Variants in FAM114A1 observed in about 807,000 individuals in gnomAD.
FAM114A1 encodes family with sequence similarity 114 member A1.
In FAM114A1, 62 loss-of-function variants were observed where a neutral mutation model predicts 64.3. The ratio of observed to expected loss-of-function variants is 0.96; its 90% CI spans 0.79 to 1.19. The LOEUF is 1.19. Ranked by LOEUF, FAM114A1 falls within the 50% of genes most tolerant of loss-of-function variation. The pLI, the probability that FAM114A1 is intolerant of heterozygous loss-of-function variation, is 0.00. For missense variants in FAM114A1, 645 were observed against 676.3 expected (o/e 0.95, Z 0.51); for synonymous variants, 254 against 251.1 (o/e 1.01, Z -0.11).
intron 3 of FAM114A1, among the ~76,000 whole-genome samples, chr4:38,879,304 C>T (rs1019883082): frequency 6.6e-6 from 1 of 152,204 alleles, no homozygotes; most frequent in Non-Finnish European, 1.5e-5. Context: ...TGTGCCACCA[C>T]AGATCACCCC....
intron 14 of FAM114A1, 24 bp from the exon 15 acceptor site, chr4:38,943,432 A>C: frequency 6.2e-7 from 1 of 1,604,218 alleles, no homozygotes; most frequent in Non-Finnish European, 8.5e-7. Flanking sequence ...ATAACCCTTC[A>C]ACCTCATTTT....
At chr4:38,883,363 G>A (rs932266605) in intron 3 of FAM114A1, among the ~76,000 whole-genome samples, 1 of 152,142 alleles carries the variant, frequency 6.6e-6, no homozygotes, top group African/African-American at 2.4e-5. Context: ...TACTGGTTGG[G>A]AGTAACATTT....
intron 6 of FAM114A1, 122 bp downstream of exon 6, chr4:38,905,983 A>AT: frequency 1.2e-6 from 1 of 823,910 alleles, no homozygotes; most frequent in Non-Finnish European, 1.8e-6. Context: ...ACTTTGGATT[A>AT]TGGTTTTTTT....
At position 38,931,526 on chromosome 4, in the gene FAM114A1, G is replaced by A. The variant is rs1579403562; in HGVS notation, c.1237G>A (p.Glu413Lys). ...AGTAGATGTGGCAAAAGTGTCCGAA[G>A]AAGAAACAAAGAAGGAAGAAAAGGA... is the stretch of plus-strand genomic sequence containing the variant. ...VSVDVAKVSE[E>K]ETKKEEKEEK... The change falls in exon 11 of 15, where the codon GAA (glutamate) becomes AAA (lysine). Residue 413 changes from glutamate (E) to lysine (K), a missense_variant. Physicochemically the swap from Glu to Lys is moderately conservative, Grantham distance 56. Coordinates refer to ENST00000358869, the MANE Select transcript of FAM114A1 (RefSeq NM_138389.4). 6.2e-7 allele frequency: 1 copy of A among 1,613,812 alleles called. No homozygotes were observed. The highest frequency in any genetic ancestry group is 2.2e-5 in the East Asian group (1 of 44,856).
At chr4:38,937,534 A>G (rs35024156) in intron 13 of FAM114A1, among the ~76,000 whole-genome samples, 28,988 of 152,160 alleles carry the variant, frequency 0.19, 3,289 homozygotes, top group East Asian at 0.41. Context: ...CACACCAGCA[A>G]CAACCCTATC....
At chr4:38,914,284 G>T (rs377192329) in intron 7 of FAM114A1, among the ~76,000 whole-genome samples, 6 of 152,124 alleles carry the variant, frequency 3.9e-5, no homozygotes, top group African/African-American at 1.4e-4. Flanking sequence ...AAGAAATTTG[G>T]CCGGGTGCAG....
In FAM114A1 at chr4:38,914,901, A is replaced by G; in HGVS notation, c.793-20A>G. On this transcript the variant is annotated intron_variant, in intron 7 of 14. Coordinates refer to ENST00000358869, the MANE Select transcript of FAM114A1 (RefSeq NM_138389.4). ...CTTTTAAATGTACATCCAGAGTACA[A>G]ACATTGTGTATTTCTGCAGATGTTA... 6.2e-7 allele frequency: 1 copy of G among 1,612,200 alleles called. No homozygotes were observed.
rs757121040 is a variant in FAM114A1 at position 38,868,025 on chromosome 4, C to G, written c.-158+191C>G. ...TCTGGGGTGAGGGTCTGGGGCGGCG[C>G]GGCCGAGGGACCTGCGTGGGTGCGG... On this transcript the variant is annotated intron_variant, in intron 1 of 14. Coordinates refer to ENST00000358869, the MANE Select transcript of FAM114A1 (RefSeq NM_138389.4). 7.1e-6 allele frequency: 3 copies of G among 421,930 alleles called. No homozygotes were observed. The Admixed American group carries it at 7.3e-5, about 10-fold the overall frequency. The allele number at this position is 421,930 out of a possible 1,614,324, so 26.1% of individuals were successfully genotyped here. A position where few individuals can be genotyped will look rare whatever the true frequency, so the allele number is the denominator to read the frequency against.
chr4:38,911,755 C>T (rs963737289), intron 7 of FAM114A1, among the ~76,000 whole-genome samples: 5 of 151,416 alleles, frequency 3.3e-5, no homozygotes, highest in South Asian at 2.1e-4. Context: ...GAAGCGTGCA[C>T]GCGTGCACTA....
At position 38,868,991 on chromosome 4, in the gene FAM114A1, G is replaced by A. The variant is rs549641488; in HGVS notation, c.-9+445G>A. On this transcript the variant is annotated intron_variant, in intron 2 of 14. Coordinates refer to ENST00000358869, the MANE Select transcript of FAM114A1 (RefSeq NM_138389.4). Reference sequence around the variant, plus strand: ...CAGTGCAGAAGGAATTTGAGGGTTGGAGGGGGCTTTCTTGAATCTGAGCGA... The same window carrying A: ...CAGTGCAGAAGGAATTTGAGGGTTGAAGGGGGCTTTCTTGAATCTGAGCGA... Among the ~76,000 whole-genome samples, 4 of 152,326 alleles carry A rather than the reference G, an allele frequency of 2.6e-5. No individual in the cohort carries two copies. In the South Asian group the frequency reaches 8.3e-4, roughly 32 times the overall value.
chr4:38,922,265 G>A (rs991707069), intron 8 of FAM114A1, among the ~76,000 whole-genome samples: 6 of 152,114 alleles, frequency 3.9e-5, no homozygotes, highest in African/African-American at 1.4e-4. Flanking sequence ...TATAAGTATT[G>A]AGCATCACTC....
rs976289242 is a variant in FAM114A1, at chr4:38,943,932, A to G, written c.*375A>G. ...TAATCCTTTATGTTTCAACCTTTAA[A>G]TGTTCCATTCTTATAGTATTACTTT... On this transcript the variant is annotated 3_prime_UTR_variant, in exon 15 of 15. Transcript: ENST00000358869. 23 of 171,196 alleles carry G rather than the reference A, an allele frequency of 1.3e-4. No homozygotes were observed. Among genetic ancestry groups the G allele is most frequent in the Non-Finnish European group, 2.4e-4 (19 of 78,154 alleles). The allele number at this position is 171,196 out of a possible 1,614,324, so 10.6% of individuals were successfully genotyped here.
chr4:38,926,339 A>C (rs1022063421), intron 9 of FAM114A1, among the ~76,000 whole-genome samples: 9 of 152,134 alleles, frequency 5.9e-5, no homozygotes, highest in Non-Finnish European at 8.8e-5. Context: ...AGGTGTGCCC[A>C]GCCCCTCTCA....
intron 2 of FAM114A1, among the ~76,000 whole-genome samples, chr4:38,877,394 C>T (rs1714745719): frequency 6.6e-6 from 1 of 152,098 alleles, no homozygotes; most frequent in Non-Finnish European, 1.5e-5. Flanking sequence ...GCATTAGATT[C>T]TCATAAGGAG....
At chr4:38,913,402 T>C (rs1718745714) in intron 7 of FAM114A1, among the ~76,000 whole-genome samples, 1 of 152,188 alleles carries the variant, frequency 6.6e-6, no homozygotes, top group South Asian at 2.1e-4. Context: ...ATGTTCTTTT[T>C]TGTTTTTTTG....
At chr4:38,925,406 G>T (rs748882177) in intron 9 of FAM114A1, among the ~76,000 whole-genome samples, 1 of 152,182 alleles carries the variant, frequency 6.6e-6, no homozygotes, top group Non-Finnish European at 1.5e-5. Context: ...AAAAGCTGTC[G>T]TAAGGAATCT....
At chr4:38,900,622 T>C (rs1223071264) in intron 4 of FAM114A1, among the ~76,000 whole-genome samples, 1 of 152,208 alleles carries the variant, frequency 6.6e-6, no homozygotes, top group African/African-American at 2.4e-5. Flanking sequence ...GAGGACATTA[T>C]GCTAAGTGAA....
intron 6 of FAM114A1, among the ~76,000 whole-genome samples, chr4:38,907,176 G>A (rs1718088868): frequency 6.6e-6 from 1 of 152,160 alleles, no homozygotes; most frequent in African/African-American, 2.4e-5. Context: ...GACTGGGGTG[G>A]GGGAAGTAAG....
At chr4:38,905,107 C>T (rs1278284580) in intron 4 of FAM114A1, among the ~76,000 whole-genome samples, 4 of 152,068 alleles carry the variant, frequency 2.6e-5, no homozygotes, top group Non-Finnish European at 4.4e-5. Context: ...TCAGGATGTA[C>T]TTCTACAGGC....
Sources: allele counts gnomAD v4.1 joint callset (sites outside exome capture counted in the v4.1 genomes callset), GRCh38; gene constraint gnomAD v4.1.1; transcripts MANE v1.5; gene names NCBI Gene and HGNC (gene_info 2026-07-23, HGNC 2026-07-21).